The following ALOX15 variants were observed in gnomAD, a reference collection of about 807,000 sequenced individuals.
The protein encoded by ALOX15 is arachidonate 15-lipoxygenase, also known as polyunsaturated fatty acid lipoxygenase ALOX15.
In ALOX15, 68 loss-of-function variants were observed where a neutral mutation model predicts 71.7. The observed-to-expected ratio is 0.95, with a 90% CI of 0.78 to 1.16. The LOEUF is 1.16. Among genes scored for constraint, ALOX15 ranks in the 50% most tolerant of loss-of-function variants. ALOX15 has a pLI of 0.00. For missense variants in ALOX15, 798 were observed against 818.8 expected (o/e 0.97, Z 0.31); for synonymous variants, 346 against 333.3 (o/e 1.04, Z -0.42).
rs11870258 is a variant in ALOX15 at position 4,638,637 on chromosome 17, C to T, written c.590G>A (p.Trp197Ter). The T allele has an allele frequency of 6.2e-7, 1 of 1,614,196 alleles. No homozygotes were observed. The highest frequency in any genetic ancestry group is 8.5e-7 in the Non-Finnish European group (1 of 1,180,044). ...IKDSLNVLTC[W>*]KDLDDFNRIF... ...CCGGTTGAAGTCATCTAGATCCTTC[C>T]AGCAAGTCAGAACATTTAGAGAGTC... Residue 197 changes from tryptophan to a stop codon, truncating the protein, a stop_gained, in exon 5 of 14, where the codon TGG becomes TAG. Transcript: ENST00000293761. LOFTEE classifies it high-confidence loss of function.
rs117131201 is a variant in ALOX15, at chr17:4,636,225, C to A, written c.952-257G>T. Among the ~76,000 whole-genome samples, 941 of 152,296 alleles carry A rather than the reference C, an allele frequency of 6.2e-3. 25 individuals carry two copies. Among genetic ancestry groups the A allele is most frequent in the East Asian group, 0.052 (268 of 5,164 alleles). On this transcript the variant is annotated intron_variant, in intron 7 of 13. Transcript: ENST00000293761. ...CTGGTGCCTCCTCCAGCCTCCACTT[C>A]CCCTTTCAGTTCCCACAGTGTGGAC...
In ALOX15 at chr17:4,631,720, C is replaced by T. The variant is rs1384334431; in HGVS notation, c.1869G>A (p.Leu623=). The change falls in exon 14 of 14, where the codon CTG becomes CTA. Residue 623 remains leucine, a synonymous_variant. Coordinates refer to ENST00000293761, the MANE Select transcript of ALOX15 (RefSeq NM_001140.5). ...YFSGPEPKAV[L]KKFREELAAL... Reference sequence around the variant, plus strand: ...CAGCCAGCTCCTCCCTGAACTTCTTCAGCACAGCCTTAGGCTCAGGGCCCG... The same window carrying T: ...CAGCCAGCTCCTCCCTGAACTTCTTTAGCACAGCCTTAGGCTCAGGGCCCG... The T allele has an allele frequency of 6.2e-7, 1 of 1,614,078 alleles. No homozygotes were observed. Among genetic ancestry groups the T allele is most frequent in the East Asian group, 2.2e-5 (1 of 44,898 alleles).
intron 8 of ALOX15, among the ~76,000 whole-genome samples, chr17:4,633,926 T>A (rs2448251): frequency 0.87 from 133,024 of 152,162 alleles, 58,230 homozygotes; most frequent in East Asian, 1. Context: ...GCACTAACAC[T>A]GGAACAGAAA....
At chr17:4,635,499 G>A (rs778671204) in intron 8 of ALOX15, among the ~76,000 whole-genome samples, 5 of 152,084 alleles carry the variant, frequency 3.3e-5, no homozygotes, top group Non-Finnish European at 7.4e-5. Flanking sequence ...CCTCTTGTTG[G>A]ATGGAATCCT....
At position 4,639,544 on chromosome 17, in the gene ALOX15, C is replaced by T. The variant is rs1048604953; in HGVS notation, c.223G>A (p.Ala75Thr). 4 of 1,613,926 alleles carry T rather than the reference C, an allele frequency of 2.5e-6. No homozygotes were observed. Among genetic ancestry groups the T allele is most frequent in the South Asian group, 2.2e-5 (2 of 91,076 alleles). The part of the protein sequence containing the change: ...LRKRHLLKDD[A>T]WFCNWISVQG... ...ACAGAGATCCAGTTGCAGAACCAGG[C>T]GTCGTCCTTAAGGAGGTGCCGTTTG... Residue 75 changes from alanine to threonine, a missense_variant, in exon 2 of 14, where the codon GCC becomes ACC. This residue lies in a region of ALOX15 where 300 missense variants were observed against 283.1 expected (regional missense o/e 1.06). Transcript: ENST00000293761.
intron 10 of ALOX15, 24 bp downstream of exon 10, chr17:4,633,122 C>T (rs1437146445): frequency 5.0e-6 from 8 of 1,611,176 alleles, no homozygotes; most frequent in Non-Finnish European, 6.8e-6. Flanking sequence ...CTTGCACCCC[C>T]ACTGGCCTTC....
chr17:4,633,573 C>T, intron 8 of ALOX15, 73 bp from the exon 9 acceptor site: 1 of 1,337,422 alleles, frequency 7.5e-7, no homozygotes, highest in Non-Finnish European at 1.1e-6. Context: ...CAAGGGCTGA[C>T]AGCAGGAAAG....
chr17:4,641,409 T>C, intron 1 of ALOX15, 108 bp downstream of exon 1: 3 of 1,491,722 alleles, frequency 2.0e-6, no homozygotes, highest in Non-Finnish European at 2.7e-6. Context: ...CGCGGGCCCT[T>C]GGCAAAGAGA....
chr17:4,632,713 T>C, intron 11 of ALOX15, 148 bp downstream of exon 11: 1 of 1,296,132 alleles, frequency 7.7e-7, no homozygotes, highest in Non-Finnish European at 1.1e-6. Flanking sequence ...GACCTGTCTC[T>C]AGGTGACAGG....
chr17:4,632,735 G>A, intron 11 of ALOX15, 126 bp downstream of exon 11: 1 of 1,470,074 alleles, frequency 6.8e-7, no homozygotes, highest in Non-Finnish European at 9.2e-7. Context: ...AGTGGAATCT[G>A]AGAAGGCCTC....
At chr17:4,638,110 T>C (rs1260665442) in intron 6 of ALOX15, 107 bp downstream of exon 6, 1 of 595,204 alleles carries the variant, frequency 1.7e-6, no homozygotes, top group Admixed American at 3.0e-5. Context: ...AATCCGTCCT[T>C]GCTGGCTGGC....
At chr17:4,633,352 C>A in intron 9 of ALOX15, 37 bp from the exon 10 acceptor site, 2 of 1,611,452 alleles carry the variant, frequency 1.2e-6, no homozygotes, top group Non-Finnish European at 1.7e-6. Context: ...GGCGAATCGA[C>A]CTGCCCTGAA....
In ALOX15 at chr17:4,639,088, G is replaced by T. The variant is rs764322437; in HGVS notation, c.382C>A (p.Arg128=). ...CTTCTCTCTTCCAGCTCTTCTTCCC[G>T]GTGTTTCTGGAACAGGCCCTGAGGG... ...EDPQGLFQKH[R]EEELEERRKL... Residue 128 remains arginine (R), a synonymous_variant, in exon 3 of 14, where the codon CGG becomes AGG. Transcript: ENST00000293761. 3.1e-6 allele frequency: 5 copies of T among 1,614,028 alleles called. No homozygotes were observed. The highest frequency in any genetic ancestry group is 2.2e-5 in the South Asian group (2 of 91,086).
intron 7 of ALOX15, 142 bp downstream of exon 7, chr17:4,636,971 TAG>T (rs1481028150): frequency 5.9e-6 from 6 of 1,014,854 alleles, no homozygotes; most frequent in Middle Eastern, 3.2e-4. Context: ...GGCCTTCGAA[TAG>T]AGACTTGGCG....
Position 4,631,590 on chromosome 17 carries a change from G to T in ALOX15, c.*10C>A. 1 of 1,612,166 alleles carries T rather than the reference G, an allele frequency of 6.2e-7. No individual in the cohort carries two copies. The highest frequency in any genetic ancestry group is 1.3e-5 in the African/African-American group (1 of 74,980). ...TGATGGGGGCTGAAATAACCAAAGGGTGGCGACGCTTAGATGGCCACACTG... is the reference window on the plus strand; with the variant it reads ...TGATGGGGGCTGAAATAACCAAAGGTTGGCGACGCTTAGATGGCCACACTG... On this transcript the variant is annotated 3_prime_UTR_variant, in exon 14 of 14. Coordinates refer to ENST00000293761, the MANE Select transcript of ALOX15 (RefSeq NM_001140.5).
chr17:4,632,099 G>A lies in ALOX15; in HGVS notation c.1642-43C>T, dbSNP rs41391948. 133 of 1,610,032 alleles carry A rather than the reference G, an allele frequency of 8.3e-5. No individual in the cohort carries two copies. The African/African-American group carries it at 1.5e-3, about 18-fold the overall frequency. ...TCCAGAGTCAGTGCCTACCAAGCAC[G>A]CGAGCCCCGTGGTCCACCTGCACAC... On this transcript the variant is annotated intron_variant, in intron 12 of 13. Coordinates refer to ENST00000293761, the MANE Select transcript of ALOX15 (RefSeq NM_001140.5).
At chr17:4,637,720 T>G (rs1479423404) in intron 6 of ALOX15, among the ~76,000 whole-genome samples, 1 of 152,140 alleles carries the variant, frequency 6.6e-6, no homozygotes, top group Non-Finnish European at 1.5e-5. Context: ...CTTATAATTT[T>G]TATACCTAGT....
rs1911333516 is a variant in ALOX15 at position 4,641,563 on chromosome 17, T to C, written c.89A>G (p.His30Arg). 6.2e-7 allele frequency: 1 copy of C among 1,613,332 alleles called. No homozygotes were observed. The highest frequency in any genetic ancestry group is 8.5e-7 in the Non-Finnish European group (1 of 1,180,004). Residue 30 changes from histidine to arginine, a missense_variant, in exon 1 of 14, where the codon CAC becomes CGC. By Grantham distance (29) the His-to-Arg change is conservative. This residue lies in a region of ALOX15 where 300 missense variants were observed against 283.1 expected (regional missense o/e 1.06). Transcript: ENST00000293761. ...NQVQLWLVGQ[H>R]GEAALGKRLW... ...TCGCTTCCCGAGCGCCGCCTCCCCGTGCTGGCCGACCAGCCACAGCTGCAC... is the reference window on the plus strand; with the variant it reads ...TCGCTTCCCGAGCGCCGCCTCCCCGCGCTGGCCGACCAGCCACAGCTGCAC...
At position 4,639,422 on chromosome 17, in the gene ALOX15, G is replaced by A. The variant is rs11078528; in HGVS notation, c.337+8C>T. ...GAGGCCTCCTGACACCCTCAGCCCC[G>A]CGCTTACCGGTGCCTTCAGGCAGGC... On this transcript the variant is annotated splice_region_variant and intron_variant, in intron 2 of 13. Coordinates refer to ENST00000293761, the MANE Select transcript of ALOX15 (RefSeq NM_001140.5). The A allele has an allele frequency of 0.28, 455,324 of 1,605,980 alleles. 58,488 individuals carry two copies. The highest frequency in any genetic ancestry group is 0.38 in the Admixed American group (22,858 of 59,772).
Sources: gnomAD v4.1 joint callset for allele counts (sites outside exome capture counted in the v4.1 genomes callset) on GRCh38, gnomAD v4.1.1 for gene constraint, gnomAD v4.1.1 regional missense constraint, MANE v1.5 for transcripts, NCBI Gene and HGNC (gene_info 2026-07-23, HGNC 2026-07-21) for gene names.